Variants in KATNIP observed in about 807,000 individuals in gnomAD.
KATNIP encodes the protein katanin-interacting protein.
Under a neutral mutation model 174.0 loss-of-function variants are expected in KATNIP, and 126 were observed. The ratio of observed to expected loss-of-function variants is 0.72; its 90% CI spans 0.63 to 0.84. The LOEUF (loss-of-function observed/expected upper bound fraction) is 0.84. Among genes scored for constraint, KATNIP ranks in the 40% least tolerant of loss-of-function variants. KATNIP has a pLI of 0.00. For missense variants in KATNIP, 1,958 were observed against 2,109.7 expected (o/e 0.93, Z 1.41); for synonymous variants, 810 against 835.7 (o/e 0.97, Z 0.53).
rs200897168 is a variant in KATNIP, at chr16:27,681,432, G to A, written c.842G>A (p.Arg281Gln). The A allele has an allele frequency of 1.5e-5, 25 of 1,614,096 alleles. No homozygotes were observed. Among genetic ancestry groups the A allele is most frequent in the Middle Eastern group, 1.6e-4 (1 of 6,082 alleles). Residue 281 changes from arginine to glutamine, a missense_variant, in exon 8 of 28, where the codon CGG (arginine) becomes CAG (glutamine). Coordinates refer to ENST00000261588, the MANE Select transcript of KATNIP (RefSeq NM_015202.5). ...AGGGAAAGGAATTTGTCTGCAAAGC[G>A]GAAGGACAATGCTGAGGTTTTCGTT... ...HKRERNLSAK[R>Q]KDNAEVFVPT...
At chr16:27,675,239 A>G (rs1477291136) in intron 6 of KATNIP, among the ~76,000 whole-genome samples, 1 of 152,192 alleles carries the variant, frequency 6.6e-6, no homozygotes, top group African/African-American at 2.4e-5. Flanking sequence ...GTGGCAGGCA[A>G]GAGAGCTTGT....
At chr16:27,650,822 G>A (rs1363258743) in intron 6 of KATNIP, among the ~76,000 whole-genome samples, 1 of 152,190 alleles carries the variant, frequency 6.6e-6, no homozygotes, top group Non-Finnish European at 1.5e-5. Context: ...ATGATCCAAT[G>A]ACTTTGTTTC....
intron 2 of KATNIP, among the ~76,000 whole-genome samples, chr16:27,604,270 A>T (rs2075631001): frequency 6.6e-6 from 1 of 151,858 alleles, no homozygotes; most frequent in South Asian, 2.1e-4. Context: ...AGCTACTTTT[A>T]AAAATTTTTA....
intron 14 of KATNIP, among the ~76,000 whole-genome samples, chr16:27,733,531 G>GA (rs1292390500): frequency 1.4e-5 from 2 of 143,286 alleles, no homozygotes; most frequent in Non-Finnish European, 3.1e-5. Context: ...GTTAAAGAAG[G>GA]AAAAAAAATA....
chr16:27,732,167 G>A (rs12922205), intron 14 of KATNIP, among the ~76,000 whole-genome samples: 25,916 of 152,186 alleles, frequency 0.17, 2,429 homozygotes, highest in African/African-American at 0.24. Flanking sequence ...ACCAGTGTGT[G>A]AACTAATCAG....
At chr16:27,592,270 CTTTTTTTTTTTTTT>C (rs71137799) in intron 2 of KATNIP, among the ~76,000 whole-genome samples, 2 of 44,780 alleles carry the variant, frequency 4.5e-5, no homozygotes, top group Non-Finnish European at 7.4e-5. Flanking sequence ...GCATATATTA[CTTTTTTTTTTTTTT>C]TTTTTTTTTT....
rs780406039 is a variant in KATNIP, at chr16:27,777,893, G to A, written c.4725G>A (p.Glu1575=). Residue 1575 remains glutamate (E), a synonymous_variant, in exon 27 of 28, where the codon GAG becomes GAA. Coordinates refer to ENST00000261588, the MANE Select transcript of KATNIP (RefSeq NM_015202.5). The surrounding 1 kb of genome is among the most constrained non-coding windows in gnomAD (Gnocchi z 4.4). ...EKHTTISNQA[E]DQDVQMMNEN... ...TTCCTACCCTCAGTAATCAGGCCGA[G>A]GATCAAGATGTCCAGATGATGAATG... 5 of 1,614,204 alleles carry A rather than the reference G, an allele frequency of 3.1e-6. No homozygotes were observed. The South Asian group carries it at 5.5e-5, about 18-fold the overall frequency.
rs1238876884 is a variant in KATNIP, at chr16:27,698,458, G to A, written c.1071G>A (p.Ala357=). 4.3e-6 allele frequency: 7 copies of A among 1,612,386 alleles called. No homozygotes were observed. Among genetic ancestry groups the A allele is most frequent in the African/African-American group, 4.0e-5 (3 of 74,918 alleles). The change falls in exon 9 of 28, where the codon GCG becomes GCA. Residue 357 remains alanine, a synonymous_variant. Transcript: ENST00000261588. The part of the protein sequence containing the change: ...IQVENAALQR[A]LLSRKAEQPA... Reference sequence around the variant, plus strand: ...TGGAGAACGCAGCCCTGCAGAGGGCGCTCCTCAGCAGAAAGGCCGAGCAGC... The same window carrying A: ...TGGAGAACGCAGCCCTGCAGAGGGCACTCCTCAGCAGAAAGGCCGAGCAGC...
At chr16:27,682,567 A>G (rs927193990) in intron 8 of KATNIP, among the ~76,000 whole-genome samples, 1 of 152,212 alleles carries the variant, frequency 6.6e-6, no homozygotes, top group African/African-American at 2.4e-5. Context: ...GGATGGATCC[A>G]GACAGTAATT....
intron 10 of KATNIP, 110 bp from the exon 11 acceptor site, chr16:27,701,479 T>C (rs2079095745): frequency 2.6e-6 from 2 of 759,700 alleles, no homozygotes; most frequent in Non-Finnish European, 2.2e-6. Flanking sequence ...TCCTGTTTTC[T>C]ACAAAGGGAC....
At chr16:27,649,140 G>A (rs1239443080) in intron 6 of KATNIP, among the ~76,000 whole-genome samples, 1 of 152,222 alleles carries the variant, frequency 6.6e-6, no homozygotes, top group Admixed American at 6.5e-5. Flanking sequence ...GTGAGGGCAG[G>A]CAGCAATTGC....
intron 8 of KATNIP, among the ~76,000 whole-genome samples, chr16:27,687,014 A>C (rs1279133721): frequency 6.6e-6 from 1 of 152,114 alleles, no homozygotes; most frequent in Non-Finnish European, 1.5e-5. Flanking sequence ...TTATTATTTT[A>C]TATAATCAGC....
chr16:27,710,461 G>C (rs1418991009), intron 13 of KATNIP, among the ~76,000 whole-genome samples: 1 of 152,228 alleles, frequency 6.6e-6, no homozygotes, highest in East Asian at 1.9e-4. Flanking sequence ...GAGACTGTGA[G>C]CTAAACTGAG....
chr16:27,681,300 G>A (rs757649938), intron 7 of KATNIP, 99 bp from the exon 8 acceptor site: 136 of 1,457,486 alleles, frequency 9.3e-5, no homozygotes, highest in Non-Finnish European at 1.2e-4. Flanking sequence ...GTAGACATTT[G>A]TTGAATGAGT....
intron 2 of KATNIP, among the ~76,000 whole-genome samples, chr16:27,583,843 C>T (rs984600244): frequency 6.6e-6 from 1 of 152,174 alleles, no homozygotes; most frequent in Non-Finnish European, 1.5e-5. Flanking sequence ...GATCTAGGTG[C>T]TCTGACTTAG....
intron 6 of KATNIP, among the ~76,000 whole-genome samples, chr16:27,661,911 A>AATAT (rs55805859): frequency 3.0e-4 from 3 of 9,888 alleles, no homozygotes; most frequent in Admixed American, 1.6e-3. Context: ...GTGCCTGGCT[A>AATAT]ATATATATAT....
At position 27,761,625 on chromosome 16, in the gene KATNIP, A is replaced by G. The variant is rs1334228831; in HGVS notation, c.3809+35A>G. On this transcript the variant is annotated intron_variant, in intron 19 of 27. Transcript: ENST00000261588. ...TATCAGAAGCTTTACTTTCATGCCCACTGGGTTTTGGGGACATTGTTCTGC... is the reference window on the plus strand; with the variant it reads ...TATCAGAAGCTTTACTTTCATGCCCGCTGGGTTTTGGGGACATTGTTCTGC... The G allele has an allele frequency of 2.5e-6, 4 of 1,573,940 alleles. No individual in the cohort carries two copies. The African/African-American group carries it at 5.4e-5, about 21-fold the overall frequency.
chr16:27,732,871 G>C (rs993362609), intron 14 of KATNIP, among the ~76,000 whole-genome samples: 3 of 152,232 alleles, frequency 2.0e-5, no homozygotes, highest in African/African-American at 4.8e-5. Context: ...CCACGCTTTT[G>C]CTCTGCAGAG....
In KATNIP at chr16:27,740,722, C is replaced by T. The variant is rs200932520; in HGVS notation, c.2425C>T (p.Arg809Trp). 23 of 1,614,178 alleles carry T rather than the reference C, an allele frequency of 1.4e-5. No homozygotes were observed. The East Asian group carries it at 3.6e-4, about 25-fold the overall frequency. ...GETEARDKGL[R>W]HEPGWGTSRS... ...GACCGAGGCCAGGGATAAAGGCCTA[C>T]GGCATGAGCCAGGGTGGGGGACCAG... Residue 809 changes from arginine to tryptophan, a missense_variant, in exon 15 of 28, where the codon CGG becomes TGG. Physicochemically the swap from Arg to Trp is moderately radical, Grantham distance 101. This residue lies in a region of KATNIP where 1,557 missense variants were observed against 1,617.8 expected (regional missense o/e 0.96). Transcript: ENST00000261588.
Sources: gnomAD v4.1 joint callset for allele counts (sites outside exome capture counted in the v4.1 genomes callset) on GRCh38, gnomAD v4.1.1 for gene constraint, gnomAD v4.1.1 regional missense constraint, Gnocchi (gnomAD v3.1) non-coding constraint, MANE v1.5 for transcripts, NCBI Gene and HGNC (gene_info 2026-07-23, HGNC 2026-07-21) for gene names.